Variants in LRRC28 observed in about 807,000 individuals in gnomAD.
The protein encoded by LRRC28 is leucine-rich repeat-containing protein 28.
LRRC28 carries 39 observed loss-of-function variants against 45.7 expected under a neutral mutation model. The ratio of observed to expected loss-of-function variants is 0.85; its 90% CI spans 0.66 to 1.12. LRRC28 has a LOEUF of 1.12. Among genes scored for constraint, LRRC28 ranks in the 50% most tolerant of loss-of-function variants. LRRC28 has a pLI of 0.00. For missense variants in LRRC28, 435 were observed against 438.5 expected (o/e 0.99, Z 0.07); for synonymous variants, 206 against 178.8 (o/e 1.15, Z -1.22).
intron 7 of LRRC28, among the ~76,000 whole-genome samples, chr15:99,359,050 G>C (rs1445734140): frequency 6.6e-6 from 1 of 151,710 alleles, no homozygotes; most frequent in African/African-American, 2.4e-5. Flanking sequence ...CTCCAGCCTA[G>C]GTGACAGAGC....
chr15:99,359,868 A>G (rs1249643236), intron 7 of LRRC28, among the ~76,000 whole-genome samples: 1 of 152,238 alleles, frequency 6.6e-6, no homozygotes, highest in Non-Finnish European at 1.5e-5. Context: ...GAACTAACAG[A>G]GAAAGCCACT....
chr15:99,358,337 G>A (rs1957103313), intron 7 of LRRC28, among the ~76,000 whole-genome samples: 2 of 152,130 alleles, frequency 1.3e-5, no homozygotes, highest in Admixed American at 1.3e-4. Flanking sequence ...TACCATGTTT[G>A]CAAATAAGGA....
chr15:99,280,064 A>G (rs974450495), intron 3 of LRRC28, among the ~76,000 whole-genome samples: 3 of 152,090 alleles, frequency 2.0e-5, no homozygotes, highest in African/African-American at 7.2e-5. Context: ...ATGACTAATG[A>G]TATTGAACAT....
At position 99,347,488 on chromosome 15, in the gene LRRC28, TG is replaced by T. The variant is rs1301989007; in HGVS notation, c.593-4879del. 4.6e-5 allele frequency among the ~76,000 whole-genome samples: 7 copies of T among 152,364 alleles called. No homozygotes were observed. The East Asian group carries it at 1.3e-3, about 29-fold the overall frequency. ...TCCCAAAGTGCTGGGATTACAGGCA[TG>T]GAGCTCTTTTTAAAAAAATACTCTG... On this transcript the variant is annotated intron_variant, in intron 6 of 9. Coordinates refer to ENST00000301981, the MANE Select transcript of LRRC28 (RefSeq NM_144598.5).
At chr15:99,302,061 C>G (rs1247533127) in intron 5 of LRRC28, among the ~76,000 whole-genome samples, 1 of 146,164 alleles carries the variant, frequency 6.8e-6, no homozygotes, top group African/African-American at 2.6e-5. Context: ...GAGTCTTGCT[C>G]TGTTGCCCAG....
intron 5 of LRRC28, among the ~76,000 whole-genome samples, chr15:99,303,560 A>C (rs72758815): frequency 0.092 from 14,016 of 152,214 alleles, 712 homozygotes; most frequent in African/African-American, 0.15. Flanking sequence ...CGGCCTGGGC[A>C]CGGTGGCTCA....
At chr15:99,264,393 G>T (rs2081280224) in intron 2 of LRRC28, among the ~76,000 whole-genome samples, 2 of 152,166 alleles carry the variant, frequency 1.3e-5, no homozygotes, top group African/African-American at 2.4e-5. Flanking sequence ...GCGGGGAGTG[G>T]GGGGTGGAAC....
chr15:99,336,719 A>T (rs7169075), intron 6 of LRRC28, among the ~76,000 whole-genome samples: 2 of 152,058 alleles, frequency 1.3e-5, no homozygotes, highest in African/African-American at 4.8e-5. Flanking sequence ...CAGAAATCTT[A>T]TAAAAGCCTA....
chr15:99,271,307 T>G (rs2081472630), intron 2 of LRRC28, among the ~76,000 whole-genome samples: 1 of 149,524 alleles, frequency 6.7e-6, no homozygotes, highest in Admixed American at 6.7e-5. Flanking sequence ...TTGAGATGAG[T>G]CTCATTCTAT....
At chr15:99,284,615 A>G (rs1174063856) in intron 3 of LRRC28, 1 of 506,208 alleles carries the variant, frequency 2.0e-6, no homozygotes, top group Non-Finnish European at 3.9e-6. Context: ...GTTTCCTGGC[A>G]GTAATTAAAA....
intron 5 of LRRC28, among the ~76,000 whole-genome samples, chr15:99,303,638 A>T (rs1955065329): frequency 6.6e-6 from 1 of 152,144 alleles, no homozygotes; most frequent in Admixed American, 6.6e-5. Flanking sequence ...GTTTGAGATC[A>T]GCCTGGCCAA....
intron 8 of LRRC28, among the ~76,000 whole-genome samples, chr15:99,361,936 C>T (rs780568097): frequency 5.9e-5 from 9 of 152,104 alleles, no homozygotes; most frequent in Non-Finnish European, 1.0e-4. Context: ...AAGTTGGATA[C>T]GTCAATAGAG....
intron 1 of LRRC28, among the ~76,000 whole-genome samples, chr15:99,252,550 G>A (rs559707613): frequency 6.6e-6 from 1 of 152,180 alleles, no homozygotes; most frequent in Admixed American, 6.5e-5. Flanking sequence ...GTCCACCTGC[G>A]ATGGAACTAT....
chr15:99,385,262 A>G (rs1403638415), intron 9 of LRRC28, among the ~76,000 whole-genome samples: 1 of 152,214 alleles, frequency 6.6e-6, no homozygotes, highest in Non-Finnish European at 1.5e-5. Flanking sequence ...TTGCTGGTAA[A>G]GTCTACAGAG....
intron 1 of LRRC28, among the ~76,000 whole-genome samples, chr15:99,252,549 C>T (rs1342992177): frequency 6.6e-6 from 1 of 152,178 alleles, no homozygotes; most frequent in Non-Finnish European, 1.5e-5. Context: ...AGTCCACCTG[C>T]GATGGAACTA....
chr15:99,346,532 G>A (rs1028903364), intron 6 of LRRC28, among the ~76,000 whole-genome samples: 2 of 152,272 alleles, frequency 1.3e-5, no homozygotes, highest in African/African-American at 2.4e-5. Context: ...TGGCAATGCC[G>A]TGTTGAGACA....
intron 6 of LRRC28, among the ~76,000 whole-genome samples, chr15:99,346,339 G>A (rs963249655): frequency 1.3e-5 from 2 of 152,182 alleles, no homozygotes; most frequent in Admixed American, 6.5e-5. Context: ...ACCACTCCCA[G>A]CTAATTGTTT....
At chr15:99,352,909 G>T (rs1956931627) in intron 7 of LRRC28, among the ~76,000 whole-genome samples, 1 of 152,166 alleles carries the variant, frequency 6.6e-6, no homozygotes, top group Admixed American at 6.5e-5. Flanking sequence ...CAGTTTTACT[G>T]CAGTGACAGT....
intron 5 of LRRC28, among the ~76,000 whole-genome samples, chr15:99,302,878 T>C (rs1288596299): frequency 6.6e-6 from 1 of 152,254 alleles, no homozygotes; most frequent in Non-Finnish European, 1.5e-5. Flanking sequence ...TTTTATTGTA[T>C]GGATGTGCCA....
Sources: gnomAD v4.1 joint callset for allele counts (sites outside exome capture counted in the v4.1 genomes callset) on GRCh38, gnomAD v4.1.1 for gene constraint, MANE v1.5 for transcripts, NCBI Gene and HGNC (gene_info 2026-07-23, HGNC 2026-07-21) for gene names.